The following UBXN11 variants were observed in gnomAD, a reference collection of about 807,000 sequenced individuals.
UBXN11 encodes the protein UBX domain-containing protein 11.
A neutral mutation model predicts 62.8 loss-of-function variants in UBXN11; 47 were observed. The ratio of observed to expected loss-of-function variants is 0.75; its 90% CI spans 0.59 to 0.95. The LOEUF is 0.95. UBXN11 is among the 40% of genes least tolerant of loss of function. The probability of loss-of-function intolerance (pLI) is 0.00; values close to 1 mark genes in which losing one functional copy is unlikely to be tolerated. For synonymous variants in UBXN11, 294 were observed against 267.0 expected, an observed-to-expected ratio of 1.10 and a Z score of -0.99; for missense variants, 638 against 661.7, an observed-to-expected ratio of 0.96 and a Z score of 0.39.
chr1:26,301,552 C>G, intron 3 of UBXN11, 142 bp downstream of exon 3: 1 of 1,192,248 alleles, frequency 8.4e-7, no homozygotes, highest in South Asian at 1.5e-5. Flanking sequence ...GGGAGGACAG[C>G]ATGGGAGCTG....
upstream of UBXN11, among the ~76,000 whole-genome samples, chr1:26,308,041 C>T (rs1423941468): frequency 6.6e-6 from 1 of 151,932 alleles, no homozygotes; most frequent in South Asian, 2.1e-4. Context: ...CTGAGGCAGG[C>T]GGATCATCTG....
In UBXN11 at chr1:26,284,465, AT is replaced by A. The variant is rs745586144; in HGVS notation, c.869del (p.Asn290IlefsTer23). ...CCAGTCCATCCTCCAGGTAGACCTGATTGCGCAAGTCACTCACCTGGCAAGA... is the reference window on the plus strand; with the variant it reads ...CCAGTCCATCCTCCAGGTAGACCTGATGCGCAAGTCACTCACCTGGCAAGA... ...GVPFKVSDLR[N>X]QVYLEDGLDP... On this transcript the variant is annotated frameshift_variant, in exon 11 of 15. Transcript: ENST00000374222. LOFTEE classifies it high-confidence loss of function. 1 of 1,605,062 alleles carries A rather than the reference AT, an allele frequency of 6.2e-7. No individual in the cohort carries two copies. Among genetic ancestry groups the A allele is most frequent in the Non-Finnish European group, 8.5e-7 (1 of 1,173,914 alleles).
rs572966404 is a variant in UBXN11, at chr1:26,282,438, G to A, written c.1424C>T (p.Pro475Leu). 1.2e-6 allele frequency: 2 copies of A among 1,612,068 alleles called. No homozygotes were observed. Among genetic ancestry groups the A allele is most frequent in the Non-Finnish European group, 1.7e-6 (2 of 1,179,386 alleles). The change falls in exon 15 of 15, where the codon CCG becomes CTG. Residue 475 changes from proline to leucine, a missense_variant. Pro to Leu is a moderately conservative substitution (Grantham distance 98). Transcript: ENST00000374222. ...AALLLRARRA[P>L]KSSLKFSPGP... ...AGGACTGAATTTCAGGCTGGACTTC[G>A]GGGCTCGGCGTGCCCGCAGCAGCAG... is the stretch of plus-strand genomic sequence containing the variant.
intron 4 of UBXN11, among the ~76,000 whole-genome samples, chr1:26,299,889 GGAGGCT>G (rs1255496745): frequency 6.6e-6 from 1 of 152,100 alleles, no homozygotes; most frequent in Non-Finnish European, 1.5e-5. Flanking sequence ...CAGCACTTTG[GGAGGCT>G]GAGGCAGGAG....
upstream of UBXN11, among the ~76,000 whole-genome samples, chr1:26,310,655 G>C (rs2073732417): frequency 6.6e-6 from 1 of 150,724 alleles, no homozygotes; most frequent in African/African-American, 2.4e-5. Context: ...TTGAACCTGG[G>C]AGGCTGAGGT....
At chr1:26,306,721 T>C (rs530797005), upstream of UBXN11, 9 of 151,114 alleles carry the variant, frequency 6.0e-5, no homozygotes, top group East Asian at 2.0e-4. Flanking sequence ...ACAGCGAAGG[T>C]GGATACAGTC....
chr1:26,282,868 C>G lies in UBXN11; in HGVS notation c.1147G>C (p.Glu383Gln). The change falls in exon 13 of 15, where the codon GAG becomes CAG. Residue 383 changes from glutamate to glutamine, a missense_variant. Physicochemically the swap from Glu to Gln is conservative, Grantham distance 29. Transcript: ENST00000374222. ...VETPTLAAER[E>Q]RSQESPNTPA... is the part of the protein sequence containing the mutation. ...ACCTCCTCATCCCGCCCTCACCTCT[C>G]TCGCTCAGCGGCCAAGGTGGGCGTC... is the stretch of plus-strand genomic sequence containing the variant. 1.2e-6 allele frequency: 2 copies of G among 1,614,198 alleles called. No homozygotes were observed. Among genetic ancestry groups the G allele is most frequent in the Admixed American group, 1.7e-5 (1 of 60,036 alleles).
rs376181141 is a variant in UBXN11 at position 26,282,398 on chromosome 1, ACC to A, written c.1462_1463del (p.Gly488SerfsTer?). ...GACCGGGACTGGGGCCGGGACCGGG[ACC>A]GGGACAGGGACCAGGACTGAATTTC... ...SLKFSPGPCP[G>X]PGPGPSPGPG... On this transcript the variant is annotated frameshift_variant, in exon 15 of 15. Coordinates refer to ENST00000374222, the MANE Select transcript of UBXN11 (RefSeq NM_001389556.1). LOFTEE classifies it low-confidence loss of function (END_TRUNC). The A allele has an allele frequency of 1.1e-3, 555 of 497,314 alleles. 5 individuals carry two copies. The African/African-American group carries it at 0.015, about 14-fold the overall frequency. 30.8% of individuals were successfully genotyped at this position (497,314 alleles called of 1,614,324 possible). A position where few individuals can be genotyped will look rare whatever the true frequency, so the allele number is the denominator to read the frequency against.
At position 26,305,157 on chromosome 1, in the gene UBXN11, A is replaced by G. The variant is rs187248657; in HGVS notation, c.-36+1435T>C. Reference sequence around the variant, plus strand: ...GCTCTGTCGCCCAGGCTGGAGAGCAATGGCGCAATCTCGGCTCACTGCAAC... The same window carrying G: ...GCTCTGTCGCCCAGGCTGGAGAGCAGTGGCGCAATCTCGGCTCACTGCAAC... On this transcript the variant is annotated intron_variant, in intron 1 of 14. Transcript: ENST00000374222. Among the ~76,000 whole-genome samples the G allele has an allele frequency of 1.1e-3, 166 of 151,890 alleles. 2 individuals carry two copies. The highest frequency in any genetic ancestry group is 3.9e-3 in the African/African-American group (161 of 41,388).
intron 10 of UBXN11, 155 bp from the exon 11 acceptor site, chr1:26,284,637 T>C: frequency 1.4e-6 from 2 of 1,394,972 alleles, no homozygotes; most frequent in South Asian, 3.2e-5. Context: ...AGAGCCACGG[T>C]TCGTACTGCT....
chr1:26,283,348 C>G (rs2073048615), intron 12 of UBXN11, among the ~76,000 whole-genome samples: 1 of 152,316 alleles, frequency 6.6e-6, no homozygotes, highest in Non-Finnish European at 1.5e-5. Flanking sequence ...TCAGGGAAAG[C>G]TTCCTAGAGG....
chr1:26,297,581 C>A, intron 5 of UBXN11, 100 bp from the exon 6 acceptor site: 1 of 1,355,194 alleles, frequency 7.4e-7, no homozygotes, highest in South Asian at 1.5e-5. Context: ...TGCTGGGGAG[C>A]AGCAAGCCCC....
At chr1:26,299,851 T>TG (rs775162737) in intron 4 of UBXN11, among the ~76,000 whole-genome samples, 4 of 151,906 alleles carry the variant, frequency 2.6e-5, no homozygotes. Context: ...GTGACCTGGC[T>TG]GGGTATGGTG....
intron 1 of UBXN11, among the ~76,000 whole-genome samples, chr1:26,304,474 C>T (rs371093569): frequency 1.5e-4 from 23 of 152,160 alleles, no homozygotes; most frequent in Admixed American, 1.2e-3. Context: ...AAATTCTGGC[C>T]AGGCACGGTG....
chr1:26,292,098 C>G (rs1238390367), intron 8 of UBXN11, among the ~76,000 whole-genome samples: 3 of 152,242 alleles, frequency 2.0e-5, no homozygotes, highest in South Asian at 4.1e-4. Flanking sequence ...CAGTGACCAA[C>G]TGCCTTACAG....
intron 4 of UBXN11, among the ~76,000 whole-genome samples, chr1:26,298,726 A>G (rs2073455455): frequency 1.3e-5 from 2 of 151,062 alleles, no homozygotes; most frequent in Non-Finnish European, 2.9e-5. Context: ...GCAGTGAGCC[A>G]AGATCGCACC....
intron 10 of UBXN11, 179 bp from the exon 11 acceptor site, chr1:26,284,661 G>A (rs967874804): frequency 7.3e-7 from 1 of 1,368,272 alleles, no homozygotes; most frequent in East Asian, 2.9e-5. Flanking sequence ...ATCTCCCTCA[G>A]CCCTGCTGCT....
At chr1:26,318,183 A>T in exon 1 of UBXN11, 1 of 893,838 alleles carries the variant, frequency 1.1e-6, no homozygotes, top group East Asian at 2.4e-5. Context: ...CTGAGAGCAC[A>T]GCAGATGGAC....
chr1:26,282,392 ACC>A lies in UBXN11; in HGVS notation c.1468_1469del (p.Gly490SerfsTer?), dbSNP rs2073015988. 8 of 414,270 alleles carry A rather than the reference ACC, an allele frequency of 1.9e-5. No individual in the cohort carries two copies. In the East Asian group the frequency reaches 3.3e-4, roughly 17 times the overall value. 25.7% of individuals were successfully genotyped at this position (414,270 alleles called of 1,614,324 possible). ...KFSPGPCPGP[G>X]PGPSPGPGPG... ...GACCGGGACCGGGACTGGGGCCGGGACCGGGACCGGGACAGGGACCAGGACTG... is the reference window on the plus strand; with the variant it reads ...GACCGGGACCGGGACTGGGGCCGGGAGGGACCGGGACAGGGACCAGGACTG... On this transcript the variant is annotated frameshift_variant, in exon 15 of 15. Transcript: ENST00000374222. LOFTEE classifies it low-confidence loss of function (END_TRUNC).
Sources: gnomAD v4.1 joint callset for allele counts (sites outside exome capture counted in the v4.1 genomes callset) on GRCh38, gnomAD v4.1.1 for gene constraint, MANE v1.5 for transcripts, NCBI Gene and HGNC (gene_info 2026-07-23, HGNC 2026-07-21) for gene names.